Variants in GALNT10 observed in about 807,000 individuals in gnomAD.
The protein encoded by GALNT10 is GalNAc transferase 10.
In GALNT10, 41 loss-of-function variants were observed where a neutral mutation model predicts 75.0. The ratio of observed to expected loss-of-function variants is 0.55; its 90% CI spans 0.43 to 0.71. The LOEUF (loss-of-function observed/expected upper bound fraction) is 0.71. Among genes scored for constraint, GALNT10 ranks in the 30% least tolerant of loss-of-function variants. The pLI is 0.00. For synonymous variants in GALNT10, 302 were observed against 313.0 expected, an observed-to-expected ratio of 0.96 and a Z score of 0.37; for missense variants, 727 against 818.5, an observed-to-expected ratio of 0.89 and a Z score of 1.36.
chr5:154,351,531 C>T (rs1250547402), intron 4 of GALNT10, among the ~76,000 whole-genome samples: 1 of 152,100 alleles, frequency 6.6e-6, no homozygotes, highest in Non-Finnish European at 1.5e-5. Flanking sequence ...AAAAAATATC[C>T]AACATAGTAA....
At chr5:154,222,479 T>C (rs1282228576) in intron 1 of GALNT10, among the ~76,000 whole-genome samples, 1 of 152,220 alleles carries the variant, frequency 6.6e-6, no homozygotes, top group African/African-American at 2.4e-5. Context: ...CTTGGGTAAA[T>C]ACTTAGGAAT....
At chr5:154,264,476 A>G (rs1179348530) in intron 1 of GALNT10, among the ~76,000 whole-genome samples, 1 of 152,202 alleles carries the variant, frequency 6.6e-6, no homozygotes, top group Non-Finnish European at 1.5e-5. Context: ...ACCAAGCATT[A>G]TGATATCTGC....
intron 4 of GALNT10, among the ~76,000 whole-genome samples, chr5:154,351,735 A>G (rs2113144530): frequency 6.6e-6 from 1 of 152,288 alleles, no homozygotes; most frequent in South Asian, 2.1e-4. Context: ...CCCCACAGCA[A>G]TCCTATGGGT....
chr5:154,392,566 C>T (rs1755923237), intron 7 of GALNT10: 1 of 152,126 alleles, frequency 6.6e-6, no homozygotes, highest in South Asian at 2.1e-4. Flanking sequence ...TCCTTCCTAC[C>T]CCACAAGATA....
chr5:154,317,995 C>T lies in GALNT10; in HGVS notation c.402-11577C>T, dbSNP rs569422404. ...TTCAATCTCAACAGAAAAGAACTTG[C>T]GTCTTTCCCAGTTGTCTCAGCAAAG... On this transcript the variant is annotated intron_variant, in intron 3 of 11. Transcript: ENST00000297107. Among the ~76,000 whole-genome samples the T allele has an allele frequency of 1.8e-3, 267 of 152,344 alleles. 1 individual carries two copies. Among genetic ancestry groups the T allele is most frequent in the African/African-American group, 4.3e-3 (177 of 41,562 alleles).
Position 154,298,069 on chromosome 5 carries a change from C to T in GALNT10, c.391C>T (p.Arg131Trp), listed in dbSNP as rs538296822. 8.1e-6 allele frequency: 13 copies of T among 1,612,196 alleles called. No homozygotes were observed. Among genetic ancestry groups the T allele is most frequent in the East Asian group, 4.5e-5 (2 of 44,798 alleles). Residue 131 changes from arginine to tryptophan, a missense_variant, in exon 3 of 12, where the codon CGG becomes TGG. Coordinates refer to ENST00000297107, the MANE Select transcript of GALNT10 (RefSeq NM_198321.4). This position sits in a 1 kb window ranked among gnomAD's most constrained non-coding sequence, Gnocchi z 4.1. ...CTTGAATCGCTCTCTCCCAGATATC[C>T]GGCACCCAAAGTGAGTGTAACATCT... is the stretch of plus-strand genomic sequence containing the variant. ...ISLNRSLPDI[R>W]HPNCNSKRYL...
intron 1 of GALNT10, among the ~76,000 whole-genome samples, chr5:154,220,789 TG>T (rs1299779908): frequency 6.6e-6 from 1 of 152,202 alleles, no homozygotes; most frequent in African/African-American, 2.4e-5. Context: ...TGACAGACTC[TG>T]GGGTGAACAC....
intron 5 of GALNT10, among the ~76,000 whole-genome samples, chr5:154,377,215 G>C (rs1429309093): frequency 6.6e-6 from 1 of 152,182 alleles, no homozygotes; most frequent in Non-Finnish European, 1.5e-5. Context: ...CCTGAATCTT[G>C]AGGAGTTCGG....
At chr5:154,248,784 C>A (rs1050035667) in intron 1 of GALNT10, among the ~76,000 whole-genome samples, 1 of 152,102 alleles carries the variant, frequency 6.6e-6, no homozygotes, top group Non-Finnish European at 1.5e-5. Flanking sequence ...TTAACTGCTG[C>A]GCCTCACCAT....
At chr5:154,365,021 C>A (rs1214801543) in intron 4 of GALNT10, among the ~76,000 whole-genome samples, 3 of 152,110 alleles carry the variant, frequency 2.0e-5, no homozygotes, top group Non-Finnish European at 4.4e-5. Flanking sequence ...GATTTATGGC[C>A]CTGCCCACTG....
intron 1 of GALNT10, among the ~76,000 whole-genome samples, chr5:154,237,252 T>A (rs1373656631): frequency 1.3e-5 from 2 of 152,214 alleles, no homozygotes. Context: ...TTTGGTGAGC[T>A]CTGAGGACCA....
rs116528150 is a variant in GALNT10 at position 154,361,024 on chromosome 5, A to G, written c.569-15253A>G. On this transcript the variant is annotated intron_variant, in intron 4 of 11. Coordinates refer to ENST00000297107, the MANE Select transcript of GALNT10 (RefSeq NM_198321.4). ...TATAAATTGTTTATTAAAAAGATTTATCATTAGAGAGAATATATGGGACTC... is the reference window on the plus strand; with the variant it reads ...TATAAATTGTTTATTAAAAAGATTTGTCATTAGAGAGAATATATGGGACTC... Among the ~76,000 whole-genome samples the G allele has an allele frequency of 2.0e-3, 305 of 152,296 alleles. 2 individuals are homozygous for G. Among genetic ancestry groups the G allele is most frequent in the African/African-American group, 7.0e-3 (291 of 41,544 alleles).
At chr5:154,231,080 A>G (rs775011428) in intron 1 of GALNT10, among the ~76,000 whole-genome samples, 6 of 152,142 alleles carry the variant, frequency 3.9e-5, no homozygotes, top group Non-Finnish European at 8.8e-5. Flanking sequence ...TTATATATAG[A>G]TGAGAGAAAT....
At chr5:154,238,900 T>C (rs1753289645) in intron 1 of GALNT10, among the ~76,000 whole-genome samples, 1 of 152,216 alleles carries the variant, frequency 6.6e-6, no homozygotes, top group South Asian at 2.1e-4. Flanking sequence ...CGGCAAACTT[T>C]GTATTTGATT....
chr5:154,229,401 T>C (rs776241641), intron 1 of GALNT10, among the ~76,000 whole-genome samples: 108 of 152,220 alleles, frequency 7.1e-4, no homozygotes, highest in Admixed American at 2.9e-3. Flanking sequence ...TATGATTATT[T>C]GTATGACTAT....
At chr5:154,290,091 A>ATTTTT (rs370050729) in intron 1 of GALNT10, among the ~76,000 whole-genome samples, 2 of 135,930 alleles carry the variant, frequency 1.5e-5, no homozygotes, top group African/African-American at 2.8e-5. Flanking sequence ...GTACTCTGTA[A>ATTTTT]TTTTTTTTTT....
intron 1 of GALNT10, chr5:154,218,299 C>T (rs888797867): frequency 3.8e-5 from 8 of 209,120 alleles, no homozygotes; most frequent in African/African-American, 1.6e-4. Context: ...AGTTCGCTGT[C>T]TCCAGTGCTG....
At chr5:154,268,863 G>A (rs1312898306) in intron 1 of GALNT10, among the ~76,000 whole-genome samples, 2 of 152,210 alleles carry the variant, frequency 1.3e-5, no homozygotes, top group African/African-American at 2.4e-5. Flanking sequence ...GGAGCCAGGT[G>A]CAGTGGCTCA....
intron 3 of GALNT10, among the ~76,000 whole-genome samples, chr5:154,318,804 G>A (rs1288258602): frequency 1.3e-5 from 2 of 152,088 alleles, no homozygotes; most frequent in Non-Finnish European, 2.9e-5. Context: ...CTATTTCAAT[G>A]TGTGTCAATC....
Sources: allele counts gnomAD v4.1 joint callset (sites outside exome capture counted in the v4.1 genomes callset), GRCh38; gene constraint gnomAD v4.1.1; non-coding constraint Gnocchi (gnomAD v3.1); transcripts MANE v1.5; gene names NCBI Gene and HGNC (gene_info 2026-07-23, HGNC 2026-07-21).